The following MFAP3L variants were observed in gnomAD, a reference collection of about 807,000 sequenced individuals.
MFAP3L encodes the protein microfibrillar-associated protein 3-like.
Under a neutral mutation model 20.0 loss-of-function variants are expected in MFAP3L, and 5 were observed. The ratio of observed to expected loss-of-function variants is 0.25; its 90% CI spans 0.13 to 0.53. The LOEUF is 0.53. Ranked by LOEUF, MFAP3L falls within the 20% of genes least tolerant of loss-of-function variation. The pLI, the probability that MFAP3L is intolerant of heterozygous loss-of-function variation, is 0.96. For synonymous variants in MFAP3L, 219 were observed against 213.0 expected (o/e 1.03, Z -0.25); for missense variants, 409 against 527.5 (o/e 0.78, Z 2.20).
intron 1 of MFAP3L, chr4:170,006,993 TCCAAA>T (rs1339767333): frequency 1.3e-5 from 2 of 152,162 alleles, no homozygotes; most frequent in Non-Finnish European, 2.9e-5. Context: ...CACTTCTATG[TCCAAA>T]GATCTAACCT....
intron 1 of MFAP3L, among the ~76,000 whole-genome samples, chr4:170,023,929 A>T (rs1190455958): frequency 6.6e-6 from 1 of 152,196 alleles, no homozygotes; most frequent in Admixed American, 6.5e-5. Context: ...TGGGGGATAG[A>T]TCTATTTTTA....
At chr4:169,997,849 C>A in intron 2 of MFAP3L, 3 of 958,514 alleles carry the variant, frequency 3.1e-6, no homozygotes, top group Non-Finnish European at 3.7e-6. Flanking sequence ...GTAAGGGACA[C>A]TCCCATGCAC....
chr4:170,026,291 A>G lies in MFAP3L; in HGVS notation c.-191T>C. 3.0e-6 allele frequency: 3 copies of G among 983,864 alleles called. No homozygotes were observed. The highest frequency in any genetic ancestry group is 1.7e-5 in the African/African-American group (1 of 57,168). The allele number at this position is 983,864 out of a possible 1,614,324, so 60.9% of individuals were successfully genotyped here. On this transcript the variant is annotated 5_prime_UTR_variant, in exon 1 of 3. Coordinates refer to ENST00000361618, the MANE Select transcript of MFAP3L (RefSeq NM_021647.8). Reference sequence around the variant, plus strand: ...TGCACCCCTCGCCATGGCCAGCCCGACAGCGGCCGCTGCGCCGCACTCTGC... The same window carrying G: ...TGCACCCCTCGCCATGGCCAGCCCGGCAGCGGCCGCTGCGCCGCACTCTGC...
At chr4:170,012,760 C>T (rs571895356) in intron 1 of MFAP3L, among the ~76,000 whole-genome samples, 8 of 152,306 alleles carry the variant, frequency 5.3e-5, no homozygotes, top group East Asian at 1.9e-4. Context: ...TGGTACAATA[C>T]GCACTTATTA....
intron 2 of MFAP3L, among the ~76,000 whole-genome samples, chr4:169,996,825 T>G (rs571617441): frequency 4.6e-5 from 7 of 152,270 alleles, no homozygotes; most frequent in African/African-American, 1.7e-4. Flanking sequence ...CCTGACAGGT[T>G]TGCCTTACTG....
intron 2 of MFAP3L, among the ~76,000 whole-genome samples, chr4:170,002,785 G>C (rs936586725): frequency 1.3e-5 from 2 of 151,822 alleles, no homozygotes; most frequent in African/African-American, 4.8e-5. Context: ...TGGGATTACA[G>C]GCATGAGCCA....
At chr4:170,002,006 C>T in intron 2 of MFAP3L, 1 of 985,462 alleles carries the variant, frequency 1.0e-6, no homozygotes, top group Non-Finnish European at 1.2e-6. Flanking sequence ...CCTTTCCAGG[C>T]TAATCACAAA....
chr4:169,996,271 C>T (rs1738157956), intron 2 of MFAP3L, among the ~76,000 whole-genome samples: 1 of 152,124 alleles, frequency 6.6e-6, no homozygotes, highest in African/African-American at 2.4e-5. Context: ...ATGGGTTATG[C>T]CACACAACAA....
chr4:170,000,883 C>T (rs1581475446), intron 2 of MFAP3L, among the ~76,000 whole-genome samples: 1 of 152,142 alleles, frequency 6.6e-6, no homozygotes, highest in East Asian at 1.9e-4. Context: ...CCACCAAGCC[C>T]TGCTAACTTT....
Position 169,991,405 on chromosome 4 carries a change from G to C in MFAP3L, c.1203C>G (p.Thr401=), listed in dbSNP as rs749653648. ...TEPAVTHDKN[T]CIIYESHV Reference sequence around the variant, plus strand: ...AGACATGGCTTTCGTAAATAATGCAGGTGTTTTTGTCATGTGTCACTGCTG... The same window carrying C: ...AGACATGGCTTTCGTAAATAATGCACGTGTTTTTGTCATGTGTCACTGCTG... Residue 401 remains threonine (T), a synonymous_variant, in exon 3 of 3, where the codon ACC becomes ACG. Coordinates refer to ENST00000361618, the MANE Select transcript of MFAP3L (RefSeq NM_021647.8). The surrounding 1 kb of genome is among the most constrained non-coding windows in gnomAD (Gnocchi z 4.9). 6.2e-7 allele frequency: 1 copy of C among 1,613,896 alleles called. No individual in the cohort carries two copies.
At chr4:170,001,411 A>G (rs1738608509) in intron 2 of MFAP3L, among the ~76,000 whole-genome samples, 1 of 152,234 alleles carries the variant, frequency 6.6e-6, no homozygotes, top group Admixed American at 6.5e-5. Flanking sequence ...ACCAGACACT[A>G]CAAGAGCACA....
rs1280822943 is a variant in MFAP3L at position 169,990,973 on chromosome 4, G to C, written c.*405C>G. 2.3e-5 allele frequency: 4 copies of C among 176,990 alleles called. No individual in the cohort carries two copies. The East Asian group carries it at 4.8e-4, about 21-fold the overall frequency. The allele number at this position is 176,990 out of a possible 1,614,324, so 11.0% of individuals were successfully genotyped here. A position where few individuals can be genotyped will look rare whatever the true frequency, so the allele number is the denominator to read the frequency against. On this transcript the variant is annotated 3_prime_UTR_variant, in exon 3 of 3. Transcript: ENST00000361618. ...AAGAAACTGCAAAAAACCCACGTAC[G>C]TGCATTTGCTATTGTAGCAGACCTA...
chr4:169,994,390 C>T, intron 2 of MFAP3L: 1 of 984,970 alleles, frequency 1.0e-6, no homozygotes, highest in Non-Finnish European at 1.2e-6. Context: ...ACTAACAAGA[C>T]AGGCATCTGA....
chr4:170,003,844 C>T, intron 2 of MFAP3L: 1 of 985,506 alleles, frequency 1.0e-6, no homozygotes, highest in Non-Finnish European at 1.2e-6. Flanking sequence ...ACAAGTGTGA[C>T]ATCACTGCCT....
At position 169,991,963 on chromosome 4, in the gene MFAP3L, TTTGGCGGAGGTGA is replaced by T; in HGVS notation, c.632_644del (p.Ile211LysfsTer3). The T allele has an allele frequency of 6.2e-7, 1 of 1,614,102 alleles. No individual in the cohort carries two copies. Among genetic ancestry groups the T allele is most frequent in the Non-Finnish European group, 8.5e-7 (1 of 1,180,020 alleles). On this transcript the variant is annotated frameshift_variant, in exon 3 of 3. Coordinates refer to ENST00000361618, the MANE Select transcript of MFAP3L (RefSeq NM_021647.8). LOFTEE classifies it high-confidence loss of function. This position sits in a 1 kb window ranked among gnomAD's most constrained non-coding sequence, Gnocchi z 4.9. ...GGGTGACTTTGGCAAGCTCTAGAGT[TTTGGCGGAGGTGA>T]TGATGGGGATGCGCTTGGCGATCTC...
chr4:169,997,894 A>G (rs1333631583), intron 2 of MFAP3L: 7 of 818,038 alleles, frequency 8.6e-6, no homozygotes, highest in South Asian at 1.1e-4. Context: ...CACTGTTGGA[A>G]GGATGATTTG....
At chr4:170,016,143 G>A (rs1415354706) in intron 1 of MFAP3L, among the ~76,000 whole-genome samples, 1 of 152,134 alleles carries the variant, frequency 6.6e-6, no homozygotes, top group Non-Finnish European at 1.5e-5. Context: ...ATCTGTGCAT[G>A]GAGAATGTCT....
intron 2 of MFAP3L, among the ~76,000 whole-genome samples, chr4:170,000,687 A>G (rs1014260239): frequency 1.3e-5 from 2 of 152,198 alleles, no homozygotes; most frequent in African/African-American, 2.4e-5. Context: ...TAATATGTAC[A>G]TATGTTCACA....
chr4:170,026,333 C>T lies in MFAP3L; in HGVS notation c.-233G>A. ...GCACTCTGCGCCGGACGCCCGGTAG[C>T]GCCTACTGCGGGCGAGCCGCCTCCG... On this transcript the variant is annotated 5_prime_UTR_variant, in exon 1 of 3. Transcript: ENST00000361618. The T allele has an allele frequency of 1.0e-6, 1 of 970,994 alleles. No homozygotes were observed. Among genetic ancestry groups the T allele is most frequent in the Non-Finnish European group, 1.2e-6 (1 of 817,698 alleles). The allele number at this position is 970,994 out of a possible 1,614,324, so 60.1% of individuals were successfully genotyped here.
Sources: gnomAD v4.1 joint callset for allele counts (sites outside exome capture counted in the v4.1 genomes callset) on GRCh38, gnomAD v4.1.1 for gene constraint, Gnocchi (gnomAD v3.1) non-coding constraint, MANE v1.5 for transcripts, NCBI Gene and HGNC (gene_info 2026-07-23, HGNC 2026-07-21) for gene names.